HMGCLL1: variants seen among roughly 807,000 people sequenced by gnomAD.
HMGCLL1 encodes 3-hydroxy-3-methylglutaryl-CoA lyase like 1, also known as 3-hydroxymethyl-3-methylglutaryl-CoA lyase, cytoplasmic.
In HMGCLL1, 36 loss-of-function variants were observed where a neutral mutation model predicts 39.1. The observed-to-expected ratio is 0.92, with a 90% CI of 0.71 to 1.22. The LOEUF (loss-of-function observed/expected upper bound fraction) is 1.22, where lower values mean the gene tolerates loss of function less well. HMGCLL1 is among the 50% of genes most tolerant of loss of function. HMGCLL1 has a pLI of 0.00. For synonymous variants in HMGCLL1, 149 were observed against 144.0 expected (o/e 1.03, Z -0.25); for missense variants, 451 against 416.5 (o/e 1.08, Z -0.72).
At chr6:55,616,786 A>G in the HMGCLL1 span, among the ~76,000 whole-genome samples, 1 of 152,114 alleles carries the variant, frequency 6.6e-6, no homozygotes, top group African/African-American at 2.4e-5. Flanking sequence ...AAAAAATATC[A>G]GTAAAGAAAG....
At chr6:55,572,584 C>T (rs577612827) in intron 1 of HMGCLL1, among the ~76,000 whole-genome samples, 1 of 152,102 alleles carries the variant, frequency 6.6e-6, no homozygotes, top group East Asian at 1.9e-4. Context: ...TTTCATGAGG[C>T]AGATAATCTT....
intron 3 of HMGCLL1, among the ~76,000 whole-genome samples, chr6:55,540,481 G>A (rs952273466): frequency 2.0e-5 from 3 of 152,080 alleles, no homozygotes; most frequent in Admixed American, 2.0e-4. Flanking sequence ...TCCACCATAT[G>A]AGGATAGAAT....
the HMGCLL1 span, among the ~76,000 whole-genome samples, chr6:55,657,744 C>T: frequency 4.6e-5 from 7 of 151,988 alleles, no homozygotes; most frequent in Non-Finnish European, 1.0e-4. Flanking sequence ...AGAACAAGAT[C>T]ATATCATTTG....
chr6:55,672,097 G>A, the HMGCLL1 span, among the ~76,000 whole-genome samples: 1 of 151,534 alleles, frequency 6.6e-6, no homozygotes, highest in South Asian at 2.1e-4. Context: ...CTATCCTTTT[G>A]TACCTTTTAA....
At chr6:55,493,538 A>G (rs902791377) in intron 7 of HMGCLL1, among the ~76,000 whole-genome samples, 7 of 152,190 alleles carry the variant, frequency 4.6e-5, no homozygotes, top group African/African-American at 1.4e-4. Context: ...AGCAAATTTC[A>G]TAAACCTTAA....
intron 1 of HMGCLL1, among the ~76,000 whole-genome samples, chr6:55,569,055 A>G (rs1771347656): frequency 6.6e-6 from 1 of 152,164 alleles, no homozygotes; most frequent in South Asian, 2.1e-4. Context: ...AATCTGAGAA[A>G]GCAAGAAATA....
rs1771211651 is a variant in HMGCLL1, at chr6:55,566,385, G to A, written c.108+12563C>T. 3 of 266,190 alleles carry A rather than the reference G, an allele frequency of 1.1e-5. No homozygotes were observed. The South Asian group carries it at 1.3e-4, about 11-fold the overall frequency. The allele number at this position is 266,190 out of a possible 1,614,324, so 16.5% of individuals were successfully genotyped here. ...ATGCAGATTTCATAGAATAAAACTT[G>A]TGTTAAAGGCGTTTTTATGTAGTTG... is the stretch of plus-strand genomic sequence containing the variant. On this transcript the variant is annotated intron_variant, in intron 1 of 8. Transcript: ENST00000274901.
intron 7 of HMGCLL1, among the ~76,000 whole-genome samples, chr6:55,456,140 GA>G (rs1208638390): frequency 6.6e-6 from 1 of 151,846 alleles, no homozygotes; most frequent in African/African-American, 2.4e-5. Flanking sequence ...TAATAGCCAA[GA>G]AAAAAAAGTC....
chr6:55,461,261 G>T (rs1217923782), intron 7 of HMGCLL1, among the ~76,000 whole-genome samples: 2 of 151,808 alleles, frequency 1.3e-5, no homozygotes, highest in Non-Finnish European at 2.9e-5. Context: ...GTCAAAAGAA[G>T]AAATATGTGG....
intron 5 of HMGCLL1, among the ~76,000 whole-genome samples, chr6:55,510,123 A>T (rs1409155221): frequency 6.6e-6 from 1 of 152,006 alleles, no homozygotes; most frequent in East Asian, 1.9e-4. Flanking sequence ...ACAATGAATC[A>T]ATAATTTTGT....
At chr6:55,463,351 A>T (rs1764667767) in intron 7 of HMGCLL1, among the ~76,000 whole-genome samples, 1 of 152,070 alleles carries the variant, frequency 6.6e-6, no homozygotes, top group African/African-American at 2.4e-5. Flanking sequence ...AGCTGAGAAG[A>T]GAGATAAATG....
chr6:55,550,778 G>T (rs1770284051), intron 1 of HMGCLL1, among the ~76,000 whole-genome samples: 1 of 151,432 alleles, frequency 6.6e-6, no homozygotes, highest in South Asian at 2.1e-4. Context: ...CACCCCAAGG[G>T]ACACCCGGCA....
intron 3 of HMGCLL1, among the ~76,000 whole-genome samples, chr6:55,528,155 AGC>A (rs1768420995): frequency 6.6e-6 from 1 of 152,064 alleles, no homozygotes; most frequent in Non-Finnish European, 1.5e-5. Flanking sequence ...CTTCAAAATG[AGC>A]GGATAATGTC....
chr6:55,598,492 C>A, the HMGCLL1 span, among the ~76,000 whole-genome samples: 1 of 152,138 alleles, frequency 6.6e-6, no homozygotes, highest in African/African-American at 2.4e-5. Context: ...CAATAGCAGC[C>A]TTCCTCCTGT....
Position 55,499,660 on chromosome 6 carries a change from CTGGGTCT to C in HMGCLL1, c.543-368_543-362del, listed in dbSNP as rs199668980. On this transcript the variant is annotated intron_variant, in intron 5 of 8. Coordinates refer to ENST00000274901, the MANE Select transcript of HMGCLL1 (RefSeq NM_001042406.2). ...TTACATACACTCAACTGTTAAATAT[CTGGGTCT>C]TTGGAAACATACAAGGAGATCATGT... Among the ~76,000 whole-genome samples, 914 of 152,048 alleles carry C rather than the reference CTGGGTCT, an allele frequency of 6.0e-3. 9 individuals are homozygous for C. The highest frequency in any genetic ancestry group is 0.02 in the African/African-American group (823 of 41,494).
At chr6:55,540,579 A>G (rs1769371821) in intron 3 of HMGCLL1, among the ~76,000 whole-genome samples, 1 of 152,260 alleles carries the variant, frequency 6.6e-6, no homozygotes. Context: ...CCCAGCCTCC[A>G]TAACTGTGAG....
At chr6:55,649,415 C>T in the HMGCLL1 span, among the ~76,000 whole-genome samples, 2 of 151,074 alleles carry the variant, frequency 1.3e-5, no homozygotes, top group African/African-American at 4.9e-5. Context: ...ATATGACATG[C>T]CACTCTCTCC....
At chr6:55,500,501 G>C (rs1412466566) in intron 5 of HMGCLL1, among the ~76,000 whole-genome samples, 49 of 151,898 alleles carry the variant, frequency 3.2e-4, no homozygotes, top group Admixed American at 1.3e-3. Context: ...TTGATTCTAA[G>C]ATGTAACCAA....
intron 1 of HMGCLL1, among the ~76,000 whole-genome samples, chr6:55,543,123 T>C (rs1258785267): frequency 4.7e-5 from 1 of 21,434 alleles, no homozygotes; most frequent in African/African-American, 1.6e-4. Flanking sequence ...ATATAATATA[T>C]ATCATATATA....
Sources: allele counts gnomAD v4.1 joint callset (sites outside exome capture counted in the v4.1 genomes callset), GRCh38; gene constraint gnomAD v4.1.1; transcripts MANE v1.5; gene names NCBI Gene and HGNC (gene_info 2026-07-23, HGNC 2026-07-21).